Variants in ABI1 observed in about 807,000 individuals in gnomAD.
ABI1 encodes the protein Abelson interactor 1.
In ABI1, 14 loss-of-function variants were observed where a neutral mutation model predicts 54.6. The observed-to-expected ratio is 0.26, with a 90% CI of 0.17 to 0.40. ABI1 has a LOEUF of 0.40. ABI1 is among the 10% of genes least tolerant of loss of function. The probability of loss-of-function intolerance (pLI) is 1.00; values close to 1 mark genes in which losing one functional copy is unlikely to be tolerated. For synonymous variants in ABI1, 194 were observed against 209.3 expected, an observed-to-expected ratio of 0.93 and a Z score of 0.63; for missense variants, 443 against 598.3, an observed-to-expected ratio of 0.74 and a Z score of 2.71.
intron 2 of ABI1, among the ~76,000 whole-genome samples, chr10:26,801,723 T>G (rs547455314): frequency 1.2e-4 from 18 of 152,288 alleles, no homozygotes; most frequent in African/African-American, 4.1e-4. Context: ...TTAACTGAAG[T>G]AAAGAATTCT....
intron 2 of ABI1, among the ~76,000 whole-genome samples, chr10:26,810,957 GA>G: frequency 6.6e-6 from 1 of 151,954 alleles, no homozygotes; most frequent in African/African-American, 2.4e-5. Context: ...GAAGGAGAAG[GA>G]AAGAAAATAC....
intron 8 of ABI1, among the ~76,000 whole-genome samples, chr10:26,758,477 C>CA (rs755697307): frequency 9.2e-5 from 14 of 152,082 alleles, no homozygotes; most frequent in African/African-American, 1.4e-4. Context: ...ACACTGACTG[C>CA]AATTAGTGTT....
chr10:26,816,434 T>C (rs2047569832), intron 2 of ABI1, among the ~76,000 whole-genome samples: 2 of 152,314 alleles, frequency 1.3e-5, no homozygotes, highest in Non-Finnish European at 2.9e-5. Flanking sequence ...GATAAAATGA[T>C]ACCCATAAAA....
intron 2 of ABI1, among the ~76,000 whole-genome samples, chr10:26,808,170 C>T (rs1181663652): frequency 6.6e-6 from 1 of 152,166 alleles, no homozygotes; most frequent in Non-Finnish European, 1.5e-5. Flanking sequence ...TCTGTAGTTT[C>T]GGTCTGCTAT....
chr10:26,783,993 G>A lies in ABI1; in HGVS notation c.286-6752C>T, dbSNP rs1842441008. Among the ~76,000 whole-genome samples the A allele has an allele frequency of 1.3e-5, 2 of 152,134 alleles. 1 individual carries two copies. Among genetic ancestry groups the A allele is most frequent in the South Asian group, 4.1e-4 (2 of 4,828 alleles). On this transcript the variant is annotated intron_variant, in intron 2 of 10. Coordinates refer to ENST00000376140, the MANE Select transcript of ABI1 (RefSeq NM_001012750.3). Reference sequence around the variant, plus strand: ...GCTAGCTACTGGAATGGGACACACTGATTTTGTGGCAGTCAAAGGGGTACA... The same window carrying A: ...GCTAGCTACTGGAATGGGACACACTAATTTTGTGGCAGTCAAAGGGGTACA...
At chr10:26,800,004 TAAAAA>T (rs56949695) in intron 2 of ABI1, among the ~76,000 whole-genome samples, 6 of 124,706 alleles carry the variant, frequency 4.8e-5, no homozygotes, top group African/African-American at 1.4e-4. Context: ...CACAAAAACG[TAAAAA>T]AAAAAAAAAA....
intron 9 of ABI1, among the ~76,000 whole-genome samples, chr10:26,753,323 A>G (rs1389903694): frequency 1.3e-5 from 2 of 152,192 alleles, no homozygotes; most frequent in Non-Finnish European, 2.9e-5. Flanking sequence ...ATTATTGAGG[A>G]GAGGAAAATG....
intron 1 of ABI1, among the ~76,000 whole-genome samples, chr10:26,847,903 C>T (rs754484105): frequency 6.6e-6 from 1 of 151,872 alleles, no homozygotes; most frequent in Non-Finnish European, 1.5e-5. Context: ...CCTGGTGGCT[C>T]ACACCTGGGA....
intron 2 of ABI1, among the ~76,000 whole-genome samples, chr10:26,805,589 G>T (rs953931646): frequency 2.0e-5 from 3 of 152,168 alleles, no homozygotes; most frequent in Non-Finnish European, 2.9e-5. Context: ...GAGGCAGAAT[G>T]CAGGCTTAGG....
At chr10:26,821,334 T>C (rs1282189164) in intron 2 of ABI1, among the ~76,000 whole-genome samples, 2 of 149,746 alleles carry the variant, frequency 1.3e-5, no homozygotes, top group Non-Finnish European at 3.0e-5. Context: ...TGGAAATCAA[T>C]GCAACAGAAA....
rs1442868496 is a variant in ABI1 at position 26,746,635 on chromosome 10, T to C, written c.*1935A>G. ...ATTTTTTTTTATTGCAAAAGTTTTT[T>C]CAGAAAACTTTTTAAATGTAATTAA... On this transcript the variant is annotated 3_prime_UTR_variant, in exon 11 of 11. Coordinates refer to ENST00000376140, the MANE Select transcript of ABI1 (RefSeq NM_001012750.3). The C allele has an allele frequency of 5.6e-6, 4 of 711,164 alleles. No homozygotes were observed. The highest frequency in any genetic ancestry group is 5.4e-5 in the African/African-American group (3 of 55,888). The allele number at this position is 711,164 out of a possible 1,614,324, so 44.1% of individuals were successfully genotyped here. A position where few individuals can be genotyped will look rare whatever the true frequency, so the allele number is the denominator to read the frequency against.
At chr10:26,803,962 T>TA (rs1260845295) in intron 2 of ABI1, among the ~76,000 whole-genome samples, 4 of 148,512 alleles carry the variant, frequency 2.7e-5, no homozygotes, top group Non-Finnish European at 6.0e-5. Context: ...AAGGATGAAG[T>TA]AAAAAAAAAT....
At chr10:26,821,672 G>A (rs374105249) in intron 2 of ABI1, among the ~76,000 whole-genome samples, 83 of 152,016 alleles carry the variant, frequency 5.5e-4, no homozygotes, top group African/African-American at 1.7e-3. Context: ...GGTGGCGAGC[G>A]CCTGTAATTC....
rs1257413379 is a variant in ABI1, at chr10:26,777,061, T to C, written c.462+4A>G. The C allele has an allele frequency of 7.0e-6, 11 of 1,571,822 alleles. No individual in the cohort carries two copies. The highest frequency in any genetic ancestry group is 8.6e-6 in the Non-Finnish European group (10 of 1,165,048). ...AGCTTGTTAATGTAATATAAAATGC[T>C]TACCTTGACACCATGGCCCACATCA... is the stretch of plus-strand genomic sequence containing the variant. On this transcript the variant is annotated splice_donor_region_variant and intron_variant, in intron 3 of 10. Transcript: ENST00000376140.
intron 2 of ABI1, among the ~76,000 whole-genome samples, chr10:26,802,260 T>C (rs1264747077): frequency 6.6e-6 from 1 of 152,170 alleles, no homozygotes; most frequent in East Asian, 1.9e-4. Context: ...TTAAAAGTAA[T>C]TTAGGATTTT....
chr10:26,768,104 T>TA (rs1159760897), intron 6 of ABI1, among the ~76,000 whole-genome samples: 10 of 151,968 alleles, frequency 6.6e-5, no homozygotes, highest in South Asian at 2.1e-4. Flanking sequence ...CTGATTCTCT[T>TA]AAAAAAATCT....
intron 2 of ABI1, among the ~76,000 whole-genome samples, chr10:26,818,040 T>A (rs1199746621): frequency 6.6e-6 from 1 of 150,700 alleles, no homozygotes; most frequent in East Asian, 2.0e-4. Context: ...ATGCCCGAAG[T>A]CCCAGCTACC....
At chr10:26,755,876 A>G (rs1043825644) in intron 8 of ABI1, 135 bp from the exon 9 acceptor site, 3 of 547,988 alleles carry the variant, frequency 5.5e-6, no homozygotes, top group Admixed American at 3.7e-5. Flanking sequence ...AAACAAAACA[A>G]AACAAAAAAC....
chr10:26,806,983 T>G (rs1012182224), intron 2 of ABI1, among the ~76,000 whole-genome samples: 1 of 152,216 alleles, frequency 6.6e-6, no homozygotes, highest in African/African-American at 2.4e-5. Flanking sequence ...CTCAATTGAT[T>G]ATCTTTTTTT....
Sources: allele counts gnomAD v4.1 joint callset (sites outside exome capture counted in the v4.1 genomes callset), GRCh38; gene constraint gnomAD v4.1.1; transcripts MANE v1.5; gene names NCBI Gene and HGNC (gene_info 2026-07-23, HGNC 2026-07-21).